CEP152: variants seen among roughly 807,000 people sequenced by gnomAD.
CEP152 encodes the protein centrosomal protein 152, also known as centrosomal protein of 152 kDa.
Under a neutral mutation model 188.9 loss-of-function variants are expected in CEP152, and 132 were observed. The ratio of observed to expected loss-of-function variants is 0.70; its 90% CI spans 0.61 to 0.81. The LOEUF is 0.81. Ranked by LOEUF, CEP152 falls within the 30% of genes least tolerant of loss-of-function variation. The pLI, the probability that CEP152 is intolerant of heterozygous loss-of-function variation, is 0.00. For missense variants in CEP152, 1,914 were observed against 1,969.8 expected, an observed-to-expected ratio of 0.97 and a Z score of 0.54; for synonymous variants, 649 against 666.6, an observed-to-expected ratio of 0.97 and a Z score of 0.41.
chr15:48,786,918 T>C (rs1400648608), intron 9 of CEP152, among the ~76,000 whole-genome samples: 2 of 151,972 alleles, frequency 1.3e-5, no homozygotes, highest in Admixed American at 1.3e-4. Flanking sequence ...CCATCCCTAA[T>C]GAAACTGTGT....
chr15:48,737,062 G>T (rs1225760582), downstream of CEP152, among the ~76,000 whole-genome samples: 1 of 152,130 alleles, frequency 6.6e-6, no homozygotes, highest in East Asian at 1.9e-4. Context: ...TGAAGTCCAG[G>T]ACCAATTTTT....
chr15:48,741,861 T>C (rs1566974392), intron 25 of CEP152, 86 bp downstream of exon 25: 17 of 1,612,320 alleles, frequency 1.1e-5, no homozygotes, highest in Non-Finnish European at 1.4e-5. Flanking sequence ...GTAGAAATAG[T>C]TAATTTAGTG....
intron 12 of CEP152, among the ~76,000 whole-genome samples, chr15:48,780,602 C>G (rs1896181670): frequency 6.6e-6 from 1 of 152,194 alleles, no homozygotes; most frequent in Non-Finnish European, 1.5e-5. Context: ...AACCTAAATA[C>G]AATCTTTTCC....
At chr15:48,754,507 T>G (rs1457797601) in intron 20 of CEP152, among the ~76,000 whole-genome samples, 1 of 151,780 alleles carries the variant, frequency 6.6e-6, no homozygotes. Flanking sequence ...TTTCTCCAAG[T>G]TATTTTAATT....
chr15:48,800,384 T>C (rs1897598593), intron 2 of CEP152, among the ~76,000 whole-genome samples: 1 of 152,146 alleles, frequency 6.6e-6, no homozygotes, highest in Admixed American at 6.5e-5. Flanking sequence ...TCCTCCTAAA[T>C]AAGGCCATTC....
intron 2 of CEP152, among the ~76,000 whole-genome samples, chr15:48,798,832 G>T (rs1379025121): frequency 6.6e-6 from 1 of 152,088 alleles, no homozygotes; most frequent in African/African-American, 2.4e-5. Flanking sequence ...AAAAAGATGA[G>T]TAAATAAGCT....
chr15:48,768,695 G>A (rs191460118), intron 14 of CEP152, among the ~76,000 whole-genome samples: 1 of 152,288 alleles, frequency 6.6e-6, no homozygotes, highest in East Asian at 1.9e-4. Context: ...TGGGTCAAGA[G>A]CTGGCTAAGG....
rs771359060 is a variant in CEP152 at position 48,756,320 on chromosome 15, C to G, written c.2928G>C (p.Glu976Asp). 4.4e-6 allele frequency: 7 copies of G among 1,574,594 alleles called. No individual in the cohort carries two copies. The highest frequency in any genetic ancestry group is 6.0e-6 in the Non-Finnish European group (7 of 1,163,958). ...CATCTAAAAATTGCCGGTAATCTTG[C>G]TCATTTTGTTCTTGGATTCTGTGGA... ...EEIHRIQEQN[E>D]QDYRQFLDDH... The change falls in exon 20 of 27, where the codon GAG becomes GAC. Residue 976 changes from glutamate (E) to aspartate (D), a missense_variant. By Grantham distance (45) the Glu-to-Asp change is conservative (BLOSUM62 2). Transcript: ENST00000380950.
chr15:48,805,479 A>G, intron 2 of CEP152, 84 bp downstream of exon 2: 2 of 1,515,612 alleles, frequency 1.3e-6, no homozygotes, highest in Non-Finnish European at 1.8e-6. Flanking sequence ...AAATGACACA[A>G]GATGATACAA....
chr15:48,767,708 A>G (rs1206387286), intron 15 of CEP152, among the ~76,000 whole-genome samples: 1 of 152,244 alleles, frequency 6.6e-6, no homozygotes, highest in African/African-American at 2.4e-5. Flanking sequence ...AGACTGCCCC[A>G]GTCCTTCAAA....
intron 13 of CEP152, among the ~76,000 whole-genome samples, chr15:48,772,036 TAA>T (rs1217017122): frequency 1.3e-5 from 2 of 152,206 alleles, no homozygotes; most frequent in African/African-American, 4.8e-5. Flanking sequence ...AGTATCCCTT[TAA>T]AAATGGCATT....
chr15:48,770,737 C>T (rs1444307053), intron 13 of CEP152, among the ~76,000 whole-genome samples: 6 of 152,038 alleles, frequency 3.9e-5, no homozygotes, highest in African/African-American at 7.2e-5. Context: ...GGGGGCAGGG[C>T]GGGGAGGAGT....
intron 1 of CEP152, among the ~76,000 whole-genome samples, chr15:48,809,908 C>T (rs1898218408): frequency 6.6e-6 from 1 of 152,190 alleles, no homozygotes; most frequent in Non-Finnish European, 1.5e-5. Flanking sequence ...AATGCAACCT[C>T]CTATGGAACA....
chr15:48,781,813 G>A (rs988402249), intron 11 of CEP152, among the ~76,000 whole-genome samples: 1 of 152,146 alleles, frequency 6.6e-6, no homozygotes, highest in African/African-American at 2.4e-5. Flanking sequence ...ACTGGAGGAG[G>A]ATATGACAGA....
intron 10 of CEP152, 82 bp from the exon 11 acceptor site, chr15:48,782,312 T>C: frequency 1.7e-6 from 2 of 1,185,524 alleles, no homozygotes; most frequent in Admixed American, 1.7e-5. Context: ...TTGAATCCAC[T>C]GAGGCTACAG....
intron 12 of CEP152, among the ~76,000 whole-genome samples, chr15:48,778,741 G>A (rs1234366303): frequency 6.6e-6 from 1 of 152,090 alleles, no homozygotes; most frequent in Non-Finnish European, 1.5e-5. Flanking sequence ...CCTGAAGTCG[G>A]GAGTTCAAGA....
chr15:48,742,594 T>A (rs1326918397), intron 24 of CEP152, among the ~76,000 whole-genome samples: 2 of 152,186 alleles, frequency 1.3e-5, no homozygotes, highest in African/African-American at 4.8e-5. Flanking sequence ...TTCCATTATT[T>A]ATTGAAAATT....
chr15:48,791,384 A>T lies in CEP152; in HGVS notation c.833-8T>A. 2 of 1,608,822 alleles carry T rather than the reference A, an allele frequency of 1.2e-6. No individual in the cohort carries two copies. The highest frequency in any genetic ancestry group is 1.7e-6 in the Non-Finnish European group (2 of 1,177,874). On this transcript the variant is annotated splice_region_variant and splice_polypyrimidine_tract_variant and intron_variant, in intron 7 of 26. Transcript: ENST00000380950. ...TCAAACCATCCTTTTCATCTACGGT[A>T]TTAAAAATGTTTATATAAATAATGT... is the stretch of plus-strand genomic sequence containing the variant.
rs1279666328 is a variant in CEP152, at chr15:48,767,099, G to C, written c.2241C>G (p.Leu747=). The C allele has an allele frequency of 6.2e-6, 10 of 1,613,218 alleles. No homozygotes were observed. The South Asian group carries it at 8.8e-5, about 14-fold the overall frequency. Residue 747 remains leucine (L), a synonymous_variant, in exon 17 of 27, where the codon CTC becomes CTG. Transcript: ENST00000380950. ...GTTGCTCCTTTTCAGTGGTCTTCCT[G>C]AGAGTCAATTCTAGATTATCCTTCT... ...CREKDNLELT[L]RKTTEKEQQT...
Sources: allele counts gnomAD v4.1 joint callset (sites outside exome capture counted in the v4.1 genomes callset), GRCh38; gene constraint gnomAD v4.1.1; transcripts MANE v1.5; gene names NCBI Gene and HGNC (gene_info 2026-07-23, HGNC 2026-07-21).